SLC9C2: variants seen among roughly 807,000 people sequenced by gnomAD.
The protein encoded by SLC9C2 is sodium/hydrogen exchanger 11.
In SLC9C2, 75 loss-of-function variants were observed where a neutral mutation model predicts 140.2. The ratio of observed to expected loss-of-function variants is 0.53; its 90% confidence interval spans 0.44 to 0.65. The LOEUF (loss-of-function observed/expected upper bound fraction) is 0.65, where lower values mean the gene tolerates loss of function less well. Ranked by LOEUF, SLC9C2 falls within the 30% of genes least tolerant of loss-of-function variation. The pLI is 0.00. For synonymous variants in SLC9C2, 375 were observed against 420.9 expected, an observed-to-expected ratio of 0.89 and a Z score of 1.34; for missense variants, 1,074 against 1,331.8, an observed-to-expected ratio of 0.81 and a Z score of 3.01.
At chr1:173,545,720 A>G (rs1035360877) in intron 13 of SLC9C2, among the ~76,000 whole-genome samples, 1 of 152,184 alleles carries the variant, frequency 6.6e-6, no homozygotes, top group Non-Finnish European at 1.5e-5. Context: ...TCTGTTTTAC[A>G]TGTCGGAGGG....
chr1:173,601,544 T>C, intron 2 of SLC9C2, 106 bp downstream of exon 2: 1 of 1,300,424 alleles, frequency 7.7e-7, no homozygotes, highest in Non-Finnish European at 1.1e-6. Context: ...TGTCTTATCG[T>C]TTCAATGGGC....
At chr1:173,514,842 G>T (rs1310600284) in intron 23 of SLC9C2, among the ~76,000 whole-genome samples, 3 of 152,140 alleles carry the variant, frequency 2.0e-5, no homozygotes, top group African/African-American at 7.2e-5. Context: ...TGCAAGGCAG[G>T]CCTGGTGGTG....
At chr1:173,599,489 C>T (rs1457120774) in intron 3 of SLC9C2, among the ~76,000 whole-genome samples, 1 of 151,216 alleles carries the variant, frequency 6.6e-6, no homozygotes, top group Non-Finnish European at 1.5e-5. Context: ...ATTCTCCCGC[C>T]TCAGCCTCCT....
intron 26 of SLC9C2, 108 bp downstream of exon 26, chr1:173,505,139 A>T (rs568512580): frequency 3.3e-6 from 3 of 914,586 alleles, no homozygotes; most frequent in Non-Finnish European, 5.1e-6. Flanking sequence ...GACTAATGAT[A>T]AACCCACATA....
At position 173,519,258 on chromosome 1, in the gene SLC9C2, C is replaced by G. The variant is rs1190437532; in HGVS notation, c.2740-1554G>C. On this transcript the variant is annotated intron_variant, in intron 22 of 27. Coordinates refer to ENST00000367714, the MANE Select transcript of SLC9C2 (RefSeq NM_178527.4). ...AAGGACAAAAGAGAAGCTCTAGGAGCTCAAGGTGGGCTCCAGCTGACAGCC... is the reference window on the plus strand; with the variant it reads ...AAGGACAAAAGAGAAGCTCTAGGAGGTCAAGGTGGGCTCCAGCTGACAGCC... 2.0e-5 allele frequency among the ~76,000 whole-genome samples: 3 copies of G among 152,226 alleles called. No homozygotes were observed. In the East Asian group the frequency reaches 5.8e-4, roughly 30 times the overall value.
chr1:173,540,384 G>A (rs1176299212), intron 13 of SLC9C2, among the ~76,000 whole-genome samples: 3 of 152,192 alleles, frequency 2.0e-5, no homozygotes, highest in African/African-American at 7.2e-5. Flanking sequence ...CCAAGGTCTG[G>A]GTTGCTTGGT....
At position 173,535,891 on chromosome 1, in the gene SLC9C2, A is replaced by G; in HGVS notation, c.1714T>C (p.Phe572Leu). 46 of 1,515,506 alleles carry G rather than the reference A, an allele frequency of 3.0e-5. No homozygotes were observed. The highest frequency in any genetic ancestry group is 4.0e-5 in the Non-Finnish European group (45 of 1,127,600). The allele number at this position is 1,515,506 out of a possible 1,614,324, so 93.9% of individuals were successfully genotyped here. Residue 572 changes from phenylalanine (F) to leucine (L), a missense_variant, in exon 15 of 28, where the codon TTT becomes CTT. Phe to Leu is a conservative substitution (Grantham distance 22). Coordinates refer to ENST00000367714, the MANE Select transcript of SLC9C2 (RefSeq NM_178527.4). The stretch of plus-strand genomic sequence containing the variant: ...TCCAAGAAAGTTAAAACATTTTTAA[A>G]CTTTATAAGCCAACTTCTAGTTCTC... ...YMRTRSWLIK[F>L]KNVLTFLEYC...
chr1:173,525,066 G>T, intron 19 of SLC9C2, 139 bp from the exon 20 acceptor site: 1 of 951,838 alleles, frequency 1.1e-6, no homozygotes, highest in Non-Finnish European at 1.5e-6. Flanking sequence ...CATGAGGTCA[G>T]CAGGCAAAGA....
At chr1:173,565,757 AT>A (rs1301166318) in intron 9 of SLC9C2, among the ~76,000 whole-genome samples, 1 of 152,090 alleles carries the variant, frequency 6.6e-6, no homozygotes, top group Non-Finnish European at 1.5e-5. Flanking sequence ...CGTAATTGGT[AT>A]TTTGATAGAG....
chr1:173,550,293 A>C (rs890711399), intron 11 of SLC9C2, among the ~76,000 whole-genome samples: 1 of 152,076 alleles, frequency 6.6e-6, no homozygotes, highest in Admixed American at 6.6e-5. Context: ...ACTCCCAGCT[A>C]TTCAGGAGGC....
chr1:173,508,472 C>T (rs1220177876), intron 24 of SLC9C2, among the ~76,000 whole-genome samples: 1 of 152,086 alleles, frequency 6.6e-6, no homozygotes, highest in Non-Finnish European at 1.5e-5. Context: ...TCCTAATTCT[C>T]ACCCCTGAAG....
At position 173,601,540 on chromosome 1, in the gene SLC9C2, A is replaced by G. The variant is rs983416486; in HGVS notation, c.127+110T>C. 4.1e-6 allele frequency: 5 copies of G among 1,216,534 alleles called. No homozygotes were observed. The Admixed American group carries it at 6.8e-5, about 17-fold the overall frequency. 75.4% of individuals were successfully genotyped at this position (1,216,534 alleles called of 1,614,324 possible). A position where few individuals can be genotyped will look rare whatever the true frequency, so the allele number is the denominator to read the frequency against. On this transcript the variant is annotated intron_variant, in intron 2 of 27. Transcript: ENST00000367714. ...GATTGACAGTATTCACTCATGTCTT[A>G]TCGTTTCAATGGGCCCCTTCTTTTG...
Position 173,529,919 on chromosome 1 carries a change from C to T in SLC9C2, c.2299G>A (p.Glu767Lys). 1 of 1,609,920 alleles carries T rather than the reference C, an allele frequency of 6.2e-7. No homozygotes were observed. Among genetic ancestry groups the T allele is most frequent in the Non-Finnish European group, 8.5e-7 (1 of 1,179,012 alleles). Residue 767 changes from glutamate (E) to lysine (K), a missense_variant, in exon 18 of 28, where the codon GAA becomes AAA. Glu to Lys is a moderately conservative substitution (Grantham distance 56, BLOSUM62 1). Coordinates refer to ENST00000367714, the MANE Select transcript of SLC9C2 (RefSeq NM_178527.4). ...TTGTTTCTCACCTGATATATTGATT[C>T]ACAGACAGCTATTTGTTTTATTAGA... ...KLLIKQIAVC[E>K]SIYQKLCEIL...
intron 18 of SLC9C2, 90 bp from the exon 19 acceptor site, chr1:173,526,804 C>A: frequency 1.1e-6 from 1 of 881,290 alleles, no homozygotes; most frequent in Non-Finnish European, 1.7e-6. Flanking sequence ...TCTTATATTC[C>A]TGAGAAGCAT....
intron 22 of SLC9C2, 123 bp downstream of exon 22, chr1:173,521,178 A>C (rs1203245783): frequency 2.0e-6 from 1 of 510,426 alleles, no homozygotes; most frequent in African/African-American, 2.0e-5. Flanking sequence ...CTCAGAGTAG[A>C]AATGGTTTCA....
intron 4 of SLC9C2, among the ~76,000 whole-genome samples, chr1:173,590,931 C>T (rs1009611015): frequency 2.0e-5 from 3 of 152,066 alleles, no homozygotes; most frequent in African/African-American, 4.8e-5. Flanking sequence ...TTCTGGGGTA[C>T]ATGTGTAGGG....
chr1:173,586,349 G>A (rs1414293323), intron 5 of SLC9C2, among the ~76,000 whole-genome samples: 1 of 152,172 alleles, frequency 6.6e-6, no homozygotes, highest in African/African-American at 2.4e-5. Flanking sequence ...AGCTGGAAAG[G>A]TTGGAGGTTT....
intron 9 of SLC9C2, among the ~76,000 whole-genome samples, chr1:173,566,782 GT>G (rs201850319): frequency 1.8e-4 from 25 of 142,436 alleles, no homozygotes; most frequent in African/African-American, 4.4e-4. Context: ...TTTGCTTGGA[GT>G]TTTTTTTTTT....
chr1:173,555,657 C>A (rs1663625856), intron 10 of SLC9C2, among the ~76,000 whole-genome samples: 1 of 152,122 alleles, frequency 6.6e-6, no homozygotes, highest in Admixed American at 6.6e-5. Context: ...ATCGGAGGAG[C>A]TGTAATGTTG....
Sources: allele counts gnomAD v4.1 joint callset (sites outside exome capture counted in the v4.1 genomes callset), GRCh38; gene constraint gnomAD v4.1.1; transcripts MANE v1.5; gene names NCBI Gene and HGNC (gene_info 2026-07-23, HGNC 2026-07-21).